The following SFMBT1 variants were observed in gnomAD, a reference collection of about 807,000 sequenced individuals.
SFMBT1 encodes the protein Scm like with four mbt domains 1, also known as scm-like with four MBT domains protein 1.
SFMBT1 carries 32 observed loss-of-function variants against 108.7 expected under a neutral mutation model. The ratio of observed to expected loss-of-function variants is 0.29; its 90% CI spans 0.22 to 0.40. The LOEUF is 0.40. Ranked by LOEUF, SFMBT1 falls within the 10% of genes least tolerant of loss-of-function variation. SFMBT1 has a pLI of 1.00. For synonymous variants in SFMBT1, 348 were observed against 369.5 expected, an observed-to-expected ratio of 0.94 and a Z score of 0.67; for missense variants, 816 against 1,059.6, an observed-to-expected ratio of 0.77 and a Z score of 3.19.
Position 53,004,285 on chromosome 3 carries a change from T to C in SFMBT1, c.-130-35027A>G, listed in dbSNP as rs868596237. On this transcript the variant is annotated intron_variant, in intron 1 of 20. Transcript: ENST00000394752. ...CTCTCTCTCTCTCTCTCCTCCTCTC[T>C]TTCTTTTAGATGGAGTCTCGCTCTG... 1.4e-4 allele frequency among the ~76,000 whole-genome samples: 20 copies of C among 142,328 alleles called. 1 individual carries two copies. The highest frequency in any genetic ancestry group is 2.4e-4 in the South Asian group (1 of 4,174). The allele number at this position is 142,328 out of a possible 152,430, so 93.4% of individuals were successfully genotyped here.
intron 13 of SFMBT1, among the ~76,000 whole-genome samples, chr3:52,916,805 G>A (rs1225860457): frequency 6.6e-6 from 1 of 152,082 alleles, no homozygotes; most frequent in Non-Finnish European, 1.5e-5. Flanking sequence ...GATACTACAT[G>A]TTCAAACTTT....
chr3:52,919,695 T>C (rs902541959), intron 12 of SFMBT1, among the ~76,000 whole-genome samples: 6 of 152,194 alleles, frequency 3.9e-5, no homozygotes, highest in Admixed American at 6.5e-5. Context: ...CAACCTCTCT[T>C]GCTCTCTTGC....
chr3:52,953,339 G>A (rs910698242), intron 3 of SFMBT1, among the ~76,000 whole-genome samples: 1 of 152,134 alleles, frequency 6.6e-6, no homozygotes, highest in Non-Finnish European at 1.5e-5. Context: ...TGTAGTCCCA[G>A]TTACTTAAGA....
chr3:52,997,794 A>G (rs1169046616), intron 1 of SFMBT1, among the ~76,000 whole-genome samples: 6 of 150,558 alleles, frequency 4.0e-5, no homozygotes, highest in Middle Eastern at 3.4e-3. Context: ...CTAAAACTAA[A>G]TGGTGATGAT....
intron 1 of SFMBT1, among the ~76,000 whole-genome samples, chr3:53,008,555 A>G (rs1368661492): frequency 1.3e-5 from 2 of 152,186 alleles, no homozygotes; most frequent in Non-Finnish European, 2.9e-5. Flanking sequence ...ACAAAAAAGA[A>G]AAACCAGGCT....
intron 1 of SFMBT1, among the ~76,000 whole-genome samples, chr3:53,036,202 C>T (rs1699864072): frequency 6.6e-6 from 1 of 152,238 alleles, no homozygotes; most frequent in South Asian, 2.1e-4. Context: ...CAAGAGCCAG[C>T]CGCCAGTCCT....
chr3:53,045,085 GA>G (rs1470702489), intron 1 of SFMBT1: 1 of 152,080 alleles, frequency 6.6e-6, no homozygotes, highest in Non-Finnish European at 1.5e-5. Flanking sequence ...AACAGAAATC[GA>G]AACGGTCGCG....
At chr3:52,988,162 T>C (rs920785500) in intron 1 of SFMBT1, among the ~76,000 whole-genome samples, 12 of 152,194 alleles carry the variant, frequency 7.9e-5, no homozygotes, top group African/African-American at 2.7e-4. Flanking sequence ...TAACTCGTGA[T>C]TATAAGAGAG....
At chr3:53,016,511 TAGTG>T (rs1056576483) in intron 1 of SFMBT1, among the ~76,000 whole-genome samples, 1 of 152,194 alleles carries the variant, frequency 6.6e-6, no homozygotes, top group African/African-American at 2.4e-5. Flanking sequence ...CCTGCAAATC[TAGTG>T]AGTGTGTAAT....
intron 1 of SFMBT1, among the ~76,000 whole-genome samples, chr3:52,990,379 GAC>G (rs1294767637): frequency 2.0e-5 from 3 of 152,186 alleles, no homozygotes; most frequent in Non-Finnish European, 2.9e-5. Context: ...GGAATTTTGT[GAC>G]ACAGAGTCAG....
At position 52,943,400 on chromosome 3, in the gene SFMBT1, G is replaced by T; in HGVS notation, c.317C>A (p.Pro106His). The change falls in exon 4 of 21, where the codon CCC becomes CAC. Residue 106 changes from proline (P) to histidine (H), a missense_variant. Coordinates refer to ENST00000394752, the MANE Select transcript of SFMBT1 (RefSeq NM_016329.4). ...WCDIRKADLYPIGWCEQNKKT... is the reference protein window; with the variant it reads ...WCDIRKADLYHIGWCEQNKKT... ...CTTATTCTGCTCACACCACCCAATGGGGTAGAGATCAGCCTTCCTGATGTC... is the reference window on the plus strand; with the variant it reads ...CTTATTCTGCTCACACCACCCAATGTGGTAGAGATCAGCCTTCCTGATGTC... The T allele has an allele frequency of 1.2e-6, 2 of 1,614,162 alleles. No homozygotes were observed. Among genetic ancestry groups the T allele is most frequent in the Non-Finnish European group, 1.7e-6 (2 of 1,180,020 alleles).
chr3:52,960,847 G>A (rs1703937650), intron 2 of SFMBT1, among the ~76,000 whole-genome samples: 1 of 152,172 alleles, frequency 6.6e-6, no homozygotes, highest in Non-Finnish European at 1.5e-5. Context: ...TTAAAAAAAG[G>A]AAATTCTGGC....
At chr3:52,996,318 C>T (rs1698330509) in intron 1 of SFMBT1, among the ~76,000 whole-genome samples, 1 of 141,006 alleles carries the variant, frequency 7.1e-6, no homozygotes, top group Non-Finnish European at 1.5e-5. Context: ...TTCAAGTGAT[C>T]CTCCTGCCTC....
intron 12 of SFMBT1, among the ~76,000 whole-genome samples, chr3:52,919,576 G>T (rs1193182919): frequency 6.6e-6 from 1 of 152,196 alleles, no homozygotes; most frequent in Non-Finnish European, 1.5e-5. Context: ...TCTGACTATG[G>T]TGATAGCTGG....
At chr3:52,914,999 C>T (rs190455231) in intron 14 of SFMBT1, among the ~76,000 whole-genome samples, 120 of 152,286 alleles carry the variant, frequency 7.9e-4, no homozygotes, top group Middle Eastern at 3.4e-3. Context: ...TGGCTTACTT[C>T]CAATAACTGG....
At chr3:52,958,314 G>A (rs990379664) in intron 2 of SFMBT1, among the ~76,000 whole-genome samples, 3 of 152,194 alleles carry the variant, frequency 2.0e-5, no homozygotes, top group African/African-American at 7.2e-5. Context: ...AAACAGGCTG[G>A]GCAGGGTGGC....
intron 1 of SFMBT1, among the ~76,000 whole-genome samples, chr3:53,031,781 A>T (rs950921839): frequency 6.6e-6 from 1 of 152,242 alleles, no homozygotes; most frequent in African/African-American, 2.4e-5. Context: ...GAACACAAGG[A>T]ATAATGCATT....
chr3:52,973,106 C>G (rs992137502), intron 1 of SFMBT1, among the ~76,000 whole-genome samples: 1 of 152,104 alleles, frequency 6.6e-6, no homozygotes, highest in African/African-American at 2.4e-5. Flanking sequence ...AGTCCCAGTG[C>G]TTTGGAAGCC....
chr3:53,008,746 T>C (rs1426478845), intron 1 of SFMBT1, among the ~76,000 whole-genome samples: 1 of 151,746 alleles, frequency 6.6e-6, no homozygotes, highest in African/African-American at 2.4e-5. Context: ...ACCATTCTCC[T>C]GCCTCAGCCT....
Sources: gnomAD v4.1 joint callset for allele counts (sites outside exome capture counted in the v4.1 genomes callset) on GRCh38, gnomAD v4.1.1 for gene constraint, MANE v1.5 for transcripts, NCBI Gene and HGNC (gene_info 2026-07-23, HGNC 2026-07-21) for gene names.